The following USH2A variants were observed in gnomAD, a reference collection of about 807,000 sequenced individuals.
USH2A encodes Usher syndrome 2A (autosomal recessive, mild).
A neutral mutation model predicts 538.9 loss-of-function variants in USH2A; 443 were observed. The observed-to-expected ratio is 0.82, with a 90% confidence interval of 0.76 to 0.89. The LOEUF (loss-of-function observed/expected upper bound fraction) is 0.89, where lower values mean the gene tolerates loss of function less well. USH2A is among the 40% of genes least tolerant of loss of function. USH2A has a pLI of 0.00. For missense variants in USH2A, 6,633 were observed against 6,324.8 expected (o/e 1.05, Z -1.65); for synonymous variants, 2,413 against 2,273.5 (o/e 1.06, Z -1.75).
intron 4 of USH2A, among the ~76,000 whole-genome samples, chr1:216,352,140 G>A (rs949377277): frequency 2.0e-5 from 3 of 152,072 alleles, no homozygotes; most frequent in Admixed American, 6.6e-5. Flanking sequence ...ATATTTGGAG[G>A]TCAAGTCACT....
intron 22 of USH2A, among the ~76,000 whole-genome samples, chr1:216,090,853 A>G (rs1423354409): frequency 6.6e-6 from 1 of 152,166 alleles, no homozygotes; most frequent in Admixed American, 6.6e-5. Flanking sequence ...TAATGATGAA[A>G]TTAATGAGCA....
rs190601795 is a variant in USH2A at position 215,652,378 on chromosome 1, G to A, written c.14134-1577C>T. 2.0e-5 allele frequency among the ~76,000 whole-genome samples: 3 copies of A among 152,316 alleles called. No homozygotes were observed. In the East Asian group the frequency reaches 5.8e-4, roughly 29 times the overall value. On this transcript the variant is annotated intron_variant, in intron 64 of 71. Transcript: ENST00000307340. ...AAAATTAAACGACTTGTCCATAGAC[G>A]AATACCTGCAATTCTAGATTAGGTT...
At chr1:216,259,238 T>C (rs1034897638) in intron 11 of USH2A, among the ~76,000 whole-genome samples, 28 of 152,086 alleles carry the variant, frequency 1.8e-4, no homozygotes, top group African/African-American at 6.8e-4. Context: ...AGAAATAGCA[T>C]TATAAACAGG....
intron 11 of USH2A, among the ~76,000 whole-genome samples, chr1:216,270,324 T>C (rs892317209): frequency 6.6e-6 from 1 of 152,114 alleles, no homozygotes; most frequent in Non-Finnish European, 1.5e-5. Flanking sequence ...GTCCCGGAAA[T>C]TGAGTGTTAG....
chr1:215,875,050 C>T (rs540878380), intron 43 of USH2A, among the ~76,000 whole-genome samples: 16 of 152,274 alleles, frequency 1.1e-4, no homozygotes, highest in Admixed American at 7.8e-4. Flanking sequence ...CAAGGAGCCC[C>T]GGATGTTGCC....
intron 8 of USH2A, 92 bp downstream of exon 8, chr1:216,323,382 G>T (rs1054491307): frequency 3.9e-6 from 5 of 1,272,320 alleles, no homozygotes; most frequent in East Asian, 4.7e-5. Context: ...AAAATGTAAA[G>T]CTTGAAATCT....
intron 4 of USH2A, among the ~76,000 whole-genome samples, chr1:216,333,924 T>C (rs181822691): frequency 3.5e-4 from 53 of 152,248 alleles, no homozygotes; most frequent in African/African-American, 1.1e-3. Context: ...TGAGAGGTTT[T>C]ATCACTATCA....
In USH2A at chr1:216,130,652, T is replaced by C. The variant is rs190252258; in HGVS notation, c.4628-33439A>G. 5.2e-3 allele frequency among the ~76,000 whole-genome samples: 767 copies of C among 147,756 alleles called. 6 individuals carry two copies. Among genetic ancestry groups the C allele is most frequent in the African/African-American group, 0.017 (701 of 40,516 alleles). ...TATCTATACTATACATATACACACA[T>C]ATATATATGCAATATATATCACGTA... is the stretch of plus-strand genomic sequence containing the variant. On this transcript the variant is annotated intron_variant, in intron 21 of 71. Transcript: ENST00000307340.
At chr1:215,969,275 T>C (rs775311478) in intron 36 of USH2A, among the ~76,000 whole-genome samples, 5 of 152,198 alleles carry the variant, frequency 3.3e-5, no homozygotes, top group African/African-American at 1.2e-4. Context: ...GGATTGAGTC[T>C]GGAATGAATG....
rs543954277 is a variant in USH2A at position 216,395,010 on chromosome 1, G to A, written c.651+23504C>T. On this transcript the variant is annotated intron_variant, in intron 3 of 71. Transcript: ENST00000307340. ...TGGGATTACAGGCGTGAGCCACCGCGCCCAGCCGGTCCAGTCGTTTTTAAC... is the reference window on the plus strand; with the variant it reads ...TGGGATTACAGGCGTGAGCCACCGCACCCAGCCGGTCCAGTCGTTTTTAAC... Among the ~76,000 whole-genome samples, 8 of 152,182 alleles carry A rather than the reference G, an allele frequency of 5.3e-5. No homozygotes were observed. The South Asian group carries it at 6.2e-4, about 12-fold the overall frequency.
intron 21 of USH2A, among the ~76,000 whole-genome samples, chr1:216,107,089 A>T (rs766792002): frequency 3.9e-4 from 60 of 151,994 alleles, no homozygotes; most frequent in African/African-American, 1.4e-3. Context: ...TTCCATGTAC[A>T]TTTGAAAAAC....
intron 38 of USH2A, among the ~76,000 whole-genome samples, chr1:215,931,531 T>G (rs1045127411): frequency 2.0e-5 from 3 of 151,978 alleles, no homozygotes; most frequent in Non-Finnish European, 4.4e-5. Context: ...AGCTCCCAAT[T>G]TTATCTACAT....
chr1:216,289,095 C>T lies in USH2A; in HGVS notation c.1971+185G>A, dbSNP rs372855671. Among the ~76,000 whole-genome samples the T allele has an allele frequency of 2.6e-5, 4 of 152,234 alleles. No homozygotes were observed. In the South Asian group the frequency reaches 6.2e-4, roughly 24 times the overall value. On this transcript the variant is annotated intron_variant, in intron 11 of 71. Transcript: ENST00000307340. ...AGCCTTTTTATATGCAAAGGACCAC[C>T]GAACTAGTGCTATATTTCATGTCCA...
At chr1:216,331,916 T>C (rs376295333) in intron 4 of USH2A, among the ~76,000 whole-genome samples, 56 of 152,220 alleles carry the variant, frequency 3.7e-4, no homozygotes, top group African/African-American at 1.2e-3. Flanking sequence ...TGGCAAAGAA[T>C]ATCACATCAA....
Position 215,970,633 on chromosome 1 carries a change from C to T in USH2A, c.6949G>A (p.Gly2317Ser). Residue 2317 changes from glycine to serine, a missense_variant, in exon 36 of 72, where the codon GGC (glycine) becomes AGC (serine). Physicochemically the swap from Gly to Ser is moderately conservative, Grantham distance 56. Coordinates refer to ENST00000307340, the MANE Select transcript of USH2A (RefSeq NM_206933.4). ...QACTAKGCAL[G>S]PLVENRTLEA... is the part of the protein sequence containing the mutation. The stretch of plus-strand genomic sequence containing the variant: ...TAAATTTAGATACTCACCAGTGGGC[C>T]CAGAGCACAACCTTTGGCCGTGCAT... 6.2e-7 allele frequency: 1 copy of T among 1,613,504 alleles called. No homozygotes were observed. The highest frequency in any genetic ancestry group is 8.5e-7 in the Non-Finnish European group (1 of 1,179,676).
Position 215,970,710 on chromosome 1 carries a change from T to G in USH2A, c.6872A>C (p.Tyr2291Ser), listed in dbSNP as rs148817340. The change falls in exon 36 of 72, where the codon TAT (tyrosine) becomes TCT (serine). Residue 2291 changes from tyrosine (Y) to serine (S), a missense_variant. Physicochemically the swap from Tyr to Ser is moderately radical, Grantham distance 144. Coordinates refer to ENST00000307340, the MANE Select transcript of USH2A (RefSeq NM_206933.4). ...ILIHNSSELS[Y>S]RAYGFAPWSL... is the part of the protein sequence containing the mutation. ...CCAAGGAGCAAATCCGTAAGCACGATAGCTGAGTTCTGAGGAATTGTGGAT... is the reference window on the plus strand; with the variant it reads ...CCAAGGAGCAAATCCGTAAGCACGAGAGCTGAGTTCTGAGGAATTGTGGAT... 1 of 1,613,714 alleles carries G rather than the reference T, an allele frequency of 6.2e-7. No homozygotes were observed. Among genetic ancestry groups the G allele is most frequent in the South Asian group, 1.1e-5 (1 of 91,082 alleles).
chr1:216,184,309 A>G (rs1354484675), intron 20 of USH2A, among the ~76,000 whole-genome samples: 1 of 152,030 alleles, frequency 6.6e-6, no homozygotes, highest in African/African-American at 2.4e-5. Context: ...CTCTTCGAAG[A>G]GGCTTTGATT....
intron 37 of USH2A, among the ~76,000 whole-genome samples, chr1:215,942,533 T>C (rs550051286): frequency 3.5e-4 from 54 of 152,280 alleles, no homozygotes; most frequent in African/African-American, 1.2e-3. Context: ...TTGTGAACTT[T>C]CACAGCTTCT....
rs73100681 is a variant in USH2A at position 216,391,235 on chromosome 1, G to A, written c.652-26150C>T. ...ATTGCGAGAAGTTGCAGCTCATCCA[G>A]TCCAATAGACAGTCTGACAACACCA... On this transcript the variant is annotated intron_variant, in intron 3 of 71. Coordinates refer to ENST00000307340, the MANE Select transcript of USH2A (RefSeq NM_206933.4). 4.5e-3 allele frequency among the ~76,000 whole-genome samples: 686 copies of A among 152,284 alleles called. 7 individuals carry two copies. Among genetic ancestry groups the A allele is most frequent in the African/African-American group, 0.015 (634 of 41,566 alleles).
Sources: allele counts gnomAD v4.1 joint callset (sites outside exome capture counted in the v4.1 genomes callset), GRCh38; gene constraint gnomAD v4.1.1; transcripts MANE v1.5; gene names NCBI Gene and HGNC (gene_info 2026-07-23, HGNC 2026-07-21).